CSMD3: variants seen among roughly 807,000 people sequenced by gnomAD.
The protein encoded by CSMD3 is CUB and sushi domain-containing protein 3.
CSMD3 carries 177 observed loss-of-function variants against 435.2 expected under a neutral mutation model. That is an observed-to-expected ratio of 0.41 (90% confidence interval 0.36 to 0.46). CSMD3 has a LOEUF of 0.46. Among genes scored for constraint, CSMD3 ranks in the 20% least tolerant of loss-of-function variants. The pLI is 0.34. For missense variants in CSMD3, 4,265 were observed against 4,504.6 expected, an observed-to-expected ratio of 0.95 and a Z score of 1.52; for synonymous variants, 1,656 against 1,520.5, an observed-to-expected ratio of 1.09 and a Z score of -2.07.
intron 45 of CSMD3, among the ~76,000 whole-genome samples, chr8:112,327,344 A>T (rs1320442729): frequency 1.3e-5 from 2 of 152,184 alleles, no homozygotes; most frequent in East Asian, 3.9e-4. Flanking sequence ...ACTGGAAATA[A>T]TCTTAGAAAT....
chr8:112,912,298 T>C (rs1457244109), intron 10 of CSMD3, among the ~76,000 whole-genome samples: 2 of 151,552 alleles, frequency 1.3e-5, no homozygotes, highest in Non-Finnish European at 2.9e-5. Context: ...TGCTGGATCA[T>C]ATGGTAATTC....
At chr8:112,237,046 G>T (rs1471431139) in intron 67 of CSMD3, 144 bp downstream of exon 67, 2 of 824,538 alleles carry the variant, frequency 2.4e-6, no homozygotes, top group Non-Finnish European at 3.9e-6. Flanking sequence ...AGAAAACCTT[G>T]GTTCTGAGTG....
At chr8:113,325,840 A>C (rs1332726253) in intron 1 of CSMD3, among the ~76,000 whole-genome samples, 1 of 151,998 alleles carries the variant, frequency 6.6e-6, no homozygotes, top group Non-Finnish European at 1.5e-5. Context: ...AGATTATGAG[A>C]AAATGGAATA....
chr8:112,715,074 G>T (rs1366614641), intron 13 of CSMD3, among the ~76,000 whole-genome samples: 1 of 151,804 alleles, frequency 6.6e-6, no homozygotes, highest in Non-Finnish European at 1.5e-5. Context: ...TAATTATTCA[G>T]GGCAGAATTG....
rs554705451 is a variant in CSMD3, at chr8:113,095,073, A to G, written c.917+3683T>C. Among the ~76,000 whole-genome samples the G allele has an allele frequency of 2.6e-4, 37 of 142,238 alleles. No homozygotes were observed. In the South Asian group the frequency reaches 8.0e-3, roughly 31 times the overall value. 93.3% of individuals were successfully genotyped at this position (142,238 alleles called of 152,430 possible). A position where few individuals can be genotyped will look rare whatever the true frequency, so the allele number is the denominator to read the frequency against. On this transcript the variant is annotated intron_variant, in intron 5 of 70. Coordinates refer to ENST00000297405, the MANE Select transcript of CSMD3 (RefSeq NM_198123.2). ...GTGACAGAGTGAGACTCCATCTCAG[A>G]AAAAAAAAAAATCACATATACCCCA...
chr8:113,275,569 G>A (rs767737225), intron 3 of CSMD3, among the ~76,000 whole-genome samples: 5 of 151,832 alleles, frequency 3.3e-5, no homozygotes, highest in East Asian at 1.9e-4. Context: ...TAATAAATAC[G>A]GTCTCATAAA....
At chr8:112,278,127 A>C (rs1046878759) in intron 59 of CSMD3, among the ~76,000 whole-genome samples, 2 of 152,138 alleles carry the variant, frequency 1.3e-5, no homozygotes, top group Non-Finnish European at 2.9e-5. Context: ...GGGAGGGGGC[A>C]GTTGATCATG....
intron 27 of CSMD3, among the ~76,000 whole-genome samples, chr8:112,545,900 G>C (rs1379795698): frequency 6.6e-6 from 1 of 152,102 alleles, no homozygotes; most frequent in African/African-American, 2.4e-5. Context: ...CAGGACAACA[G>C]GCATAAATAA....
chr8:112,346,069 C>T (rs1027160508), intron 41 of CSMD3, 28 bp downstream of exon 41: 1 of 1,109,318 alleles, frequency 9.0e-7, no homozygotes, highest in Non-Finnish European at 1.4e-6. Flanking sequence ...ATATTGAAAG[C>T]TCTTTCACGT....
intron 7 of CSMD3, among the ~76,000 whole-genome samples, chr8:112,962,341 A>G (rs1394808658): frequency 6.6e-6 from 1 of 151,854 alleles, no homozygotes; most frequent in Non-Finnish European, 1.5e-5. Context: ...ATTACATTAA[A>G]TATTTGTTTC....
At chr8:112,584,844 A>G (rs188733928) in intron 23 of CSMD3, among the ~76,000 whole-genome samples, 1 of 151,852 alleles carries the variant, frequency 6.6e-6, no homozygotes, top group East Asian at 1.9e-4. Flanking sequence ...TATGTTCGAT[A>G]TTGTAAAGTA....
rs1824684846 is a variant in CSMD3 at position 112,337,452 on chromosome 8, C to T, written c.6841+91G>A. The T allele has an allele frequency of 9.6e-6, 9 of 939,528 alleles. No homozygotes were observed. The South Asian group carries it at 1.2e-4, about 12-fold the overall frequency. The allele number at this position is 939,528 out of a possible 1,614,324, so 58.2% of individuals were successfully genotyped here. A position where few individuals can be genotyped will look rare whatever the true frequency, so the allele number is the denominator to read the frequency against. ...GCTGAGAGACTATATATTTAGCATG[C>T]TATTGGAAGAGGAAGACAAGTAAAA... On this transcript the variant is annotated intron_variant, in intron 43 of 70. Transcript: ENST00000297405.
At chr8:112,232,655 T>C (rs1813201364) in intron 68 of CSMD3, among the ~76,000 whole-genome samples, 1 of 152,168 alleles carries the variant, frequency 6.6e-6, no homozygotes, top group African/African-American at 2.4e-5. Context: ...GGGTTACATA[T>C]ATGTGCACAT....
chr8:113,207,786 T>C (rs779573905), intron 3 of CSMD3, among the ~76,000 whole-genome samples: 1 of 152,078 alleles, frequency 6.6e-6, no homozygotes, highest in Non-Finnish European at 1.5e-5. Context: ...CTTAAGAGTA[T>C]AGGGAGGATC....
At chr8:112,914,331 C>A (rs528791144) in intron 10 of CSMD3, among the ~76,000 whole-genome samples, 1 of 151,626 alleles carries the variant, frequency 6.6e-6, no homozygotes, top group African/African-American at 2.4e-5. Context: ...CATTTCTTAA[C>A]GGCATAATTT....
intron 12 of CSMD3, among the ~76,000 whole-genome samples, chr8:112,801,830 A>C (rs911572663): frequency 6.6e-6 from 1 of 152,058 alleles, no homozygotes; most frequent in South Asian, 2.1e-4. Flanking sequence ...TAGCATGTAC[A>C]TCAGCTATAC....
intron 13 of CSMD3, among the ~76,000 whole-genome samples, chr8:112,710,134 G>A (rs2076580664): frequency 6.6e-6 from 1 of 152,070 alleles, no homozygotes; most frequent in Non-Finnish European, 1.5e-5. Flanking sequence ...CTGCCATAAA[G>A]ATATGGGGTT....
intron 22 of CSMD3, among the ~76,000 whole-genome samples, chr8:112,599,942 C>T (rs1222176864): frequency 1.3e-5 from 2 of 148,514 alleles, no homozygotes; most frequent in East Asian, 2.0e-4. Flanking sequence ...GTGGGTGCAG[C>T]GCACCAGCAT....
At chr8:112,607,665 G>A (rs1197296066) in intron 22 of CSMD3, among the ~76,000 whole-genome samples, 2 of 152,094 alleles carry the variant, frequency 1.3e-5, no homozygotes, top group East Asian at 1.9e-4. Flanking sequence ...TTACTGTACA[G>A]ATACTAATAA....
Sources: allele counts gnomAD v4.1 joint callset (sites outside exome capture counted in the v4.1 genomes callset), GRCh38; gene constraint gnomAD v4.1.1; transcripts MANE v1.5; gene names NCBI Gene and HGNC (gene_info 2026-07-23, HGNC 2026-07-21).